TENM2: variants seen among roughly 807,000 people sequenced by gnomAD.
TENM2 encodes teneurin transmembrane protein 2.
Under a neutral mutation model 245.2 loss-of-function variants are expected in TENM2, and 52 were observed. The ratio of observed to expected loss-of-function variants is 0.21; its 90% CI spans 0.17 to 0.27. The LOEUF is 0.27. Ranked by LOEUF, TENM2 falls within the 10% of genes least tolerant of loss-of-function variation. The probability of loss-of-function intolerance (pLI) is 1.00; values close to 1 mark genes in which losing one functional copy is unlikely to be tolerated. For missense variants in TENM2, 3,046 were observed against 3,666.8 expected, an observed-to-expected ratio of 0.83 and a Z score of 4.37; for synonymous variants, 1,363 against 1,438.9, an observed-to-expected ratio of 0.95 and a Z score of 1.19.
chr5:167,109,711 C>T, the TENM2 span, among the ~76,000 whole-genome samples: 2 of 151,836 alleles, frequency 1.3e-5, no homozygotes, highest in South Asian at 4.2e-4. Flanking sequence ...CAACTCACTT[C>T]TCACGTTCAT....
rs78744152 is a variant in TENM2, at chr5:168,216,994, G to A, written c.4233+72G>A. 658 of 1,558,552 alleles carry A rather than the reference G, an allele frequency of 4.2e-4. 3 individuals carry two copies. In the African/African-American group the frequency reaches 8.3e-3, roughly 20 times the overall value. On this transcript the variant is annotated intron_variant, in intron 22 of 28. Coordinates refer to ENST00000518659, the Ensembl canonical transcript of TENM2. ...GGCCTGAGGTTCTTACCTGTTTCCTGTTTGGTTTGGAAGTGGAATGGGAGG... is the reference window on the plus strand; with the variant it reads ...GGCCTGAGGTTCTTACCTGTTTCCTATTTGGTTTGGAAGTGGAATGGGAGG...
intron 3 of TENM2, among the ~76,000 whole-genome samples, chr5:167,931,741 C>T (rs558804835): frequency 3.2e-4 from 49 of 152,268 alleles, no homozygotes; most frequent in Non-Finnish European, 5.1e-4. Flanking sequence ...CTGCTAATTG[C>T]TTCAGAAATA....
chr5:167,774,434 T>C (rs746125468), intron 2 of TENM2, among the ~76,000 whole-genome samples: 43 of 152,188 alleles, frequency 2.8e-4, no homozygotes, highest in Non-Finnish European at 5.7e-4. Flanking sequence ...CCTTACTCCA[T>C]GGTCTTCTTT....
intron 9 of TENM2, among the ~76,000 whole-genome samples, chr5:168,103,773 G>T (rs1208542794): frequency 1.3e-5 from 2 of 152,078 alleles, no homozygotes; most frequent in African/African-American, 2.4e-5. Context: ...GGGAAGCCTC[G>T]ATCCCATTGG....
chr5:167,189,831 GT>G, the TENM2 span, among the ~76,000 whole-genome samples: 3 of 151,826 alleles, frequency 2.0e-5, no homozygotes, highest in Non-Finnish European at 4.4e-5. Context: ...TCTTTTCACT[GT>G]TAAAAATAAT....
At chr5:167,256,127 G>GT in the TENM2 span, among the ~76,000 whole-genome samples, 1 of 152,226 alleles carries the variant, frequency 6.6e-6, no homozygotes, top group African/African-American at 2.4e-5. Flanking sequence ...TGCCCACCCT[G>GT]TAAGTGATGA....
intron 2 of TENM2, among the ~76,000 whole-genome samples, chr5:167,865,075 G>A (rs1162829032): frequency 6.6e-6 from 1 of 152,054 alleles, no homozygotes; most frequent in African/African-American, 2.4e-5. Flanking sequence ...ATAGATTCTA[G>A]GACGGCAAGA....
At chr5:167,148,998 A>T in the TENM2 span, among the ~76,000 whole-genome samples, 1 of 152,112 alleles carries the variant, frequency 6.6e-6, no homozygotes, top group African/African-American at 2.4e-5. Flanking sequence ...TGACTTTTAA[A>T]TTTTAAAAAG....
chr5:167,193,664 T>C, the TENM2 span, among the ~76,000 whole-genome samples: 2 of 152,144 alleles, frequency 1.3e-5, 1 homozygote, highest in Admixed American at 1.3e-4. Flanking sequence ...AGCCTATTAC[T>C]GTTTCTACTT....
chr5:168,064,945 T>C (rs957796505), intron 7 of TENM2, among the ~76,000 whole-genome samples: 6 of 152,354 alleles, frequency 3.9e-5, no homozygotes, highest in Admixed American at 3.3e-4. Context: ...GTCCATTTGA[T>C]GAACTACATT....
intron 3 of TENM2, among the ~76,000 whole-genome samples, chr5:167,936,492 G>C (rs938848167): frequency 2.0e-5 from 3 of 152,134 alleles, no homozygotes; most frequent in African/African-American, 7.2e-5. Flanking sequence ...GATTTACCAA[G>C]TTTTCAGGCT....
chr5:168,232,273 G>C (rs1311057210), intron 25 of TENM2: 1 of 152,200 alleles, frequency 6.6e-6, no homozygotes, highest in Non-Finnish European at 1.5e-5. Context: ...CGAGGATTGG[G>C]CAACTAGCAG....
At chr5:167,492,139 A>G (rs1768470097) in intron 2 of TENM2, among the ~76,000 whole-genome samples, 1 of 152,168 alleles carries the variant, frequency 6.6e-6, no homozygotes, top group South Asian at 2.1e-4. Context: ...ATATAAAGTT[A>G]TAGAAATAGT....
chr5:167,983,362 CT>C (rs907199504), intron 4 of TENM2, among the ~76,000 whole-genome samples: 3 of 152,100 alleles, frequency 2.0e-5, no homozygotes, highest in African/African-American at 7.2e-5. Context: ...CAGTGTGACA[CT>C]ATTTAAATAT....
At chr5:168,204,747 A>G in intron 19 of TENM2, 126 bp downstream of exon 21, 1 of 1,249,710 alleles carries the variant, frequency 8.0e-7, no homozygotes, top group South Asian at 1.6e-5. Context: ...TCCAAAACCT[A>G]GGCCCAGAAT....
intron 5 of TENM2, among the ~76,000 whole-genome samples, chr5:168,042,835 ACT>A (rs1171845467): frequency 6.6e-6 from 1 of 151,970 alleles, no homozygotes; most frequent in African/African-American, 2.4e-5. Context: ...CCGGAGGGAT[ACT>A]CTCAGAGTTT....
intron 2 of TENM2, among the ~76,000 whole-genome samples, chr5:167,532,826 G>A (rs75824215): frequency 0.086 from 12,350 of 144,342 alleles, 569 homozygotes; most frequent in East Asian, 0.21. Context: ...GTGTGTGTGT[G>A]TATATATATA....
At chr5:167,647,611 A>G (rs1780049973) in intron 2 of TENM2, among the ~76,000 whole-genome samples, 1 of 152,000 alleles carries the variant, frequency 6.6e-6, no homozygotes, top group South Asian at 2.1e-4. Context: ...CAACAGAGAG[A>G]GACTTAGTCT....
chr5:168,172,102 A>C (rs1334666987), intron 13 of TENM2, among the ~76,000 whole-genome samples: 1 of 152,150 alleles, frequency 6.6e-6, no homozygotes, highest in Admixed American at 6.5e-5. Context: ...TTCACGAGTC[A>C]TGGTGGTGGG....
Sources: gnomAD v4.1 joint callset for allele counts (sites outside exome capture counted in the v4.1 genomes callset) on GRCh38, gnomAD v4.1.1 for gene constraint, MANE v1.5 for transcripts, NCBI Gene and HGNC (gene_info 2026-07-23, HGNC 2026-07-21) for gene names.